PTK7: variants seen among roughly 807,000 people sequenced by gnomAD.
PTK7 encodes the protein inactive tyrosine-protein kinase 7.
A neutral mutation model predicts 116.6 loss-of-function variants in PTK7; 39 were observed. The observed-to-expected ratio is 0.33, with a 90% confidence interval of 0.26 to 0.44. The LOEUF (loss-of-function observed/expected upper bound fraction) is 0.44. Among genes scored for constraint, PTK7 ranks in the 20% least tolerant of loss-of-function variants. The probability of loss-of-function intolerance (pLI) is 1.00; values close to 1 mark genes in which losing one functional copy is unlikely to be tolerated. For synonymous variants in PTK7, 546 were observed against 563.6 expected, an observed-to-expected ratio of 0.97 and a Z score of 0.44; for missense variants, 1,169 against 1,425.6, an observed-to-expected ratio of 0.82 and a Z score of 2.90.
intron 1 of PTK7, among the ~76,000 whole-genome samples, chr6:43,121,837 TC>T (rs1467728734): frequency 4.6e-5 from 7 of 152,190 alleles, no homozygotes; most frequent in African/African-American, 1.7e-4. Context: ...TTGAGACTGT[TC>T]TTCAAAACGT....
At chr6:43,115,979 A>C (rs1409055355) in intron 1 of PTK7, among the ~76,000 whole-genome samples, 5 of 146,676 alleles carry the variant, frequency 3.4e-5, no homozygotes, top group African/African-American at 1.3e-4. Context: ...TCCTGCTCCC[A>C]TGCCCCTCTC....
intron 1 of PTK7, among the ~76,000 whole-genome samples, chr6:43,111,038 G>C (rs1285778404): frequency 6.6e-6 from 1 of 152,152 alleles, no homozygotes. Context: ...AAGATGACTG[G>C]GTCCATTTTC....
chr6:43,145,802 A>G lies in PTK7; in HGVS notation c.2640+370A>G, dbSNP rs1475443796. 6.3e-6 allele frequency: 1 copy of G among 157,884 alleles called. No individual in the cohort carries two copies. Among genetic ancestry groups the G allele is most frequent in the African/African-American group, 2.4e-5 (1 of 41,570 alleles). 9.8% of individuals were successfully genotyped at this position (157,884 alleles called of 1,614,324 possible). A position where few individuals can be genotyped will look rare whatever the true frequency, so the allele number is the denominator to read the frequency against. On this transcript the variant is annotated intron_variant, in intron 16 of 19. Transcript: ENST00000230419. This position sits in a 1 kb window ranked among gnomAD's most constrained non-coding sequence, Gnocchi z 4.8. ...AAAGCTTGTCCCCACTTGAGAATAA[A>G]TATATCAGAACCCACTTTGCCTCCC...
rs552297655 is a variant in PTK7, at chr6:43,132,083, C to T, written c.880C>T (p.Arg294Cys). The change falls in exon 6 of 20, where the codon CGC (arginine) becomes TGC (cysteine). Residue 294 changes from arginine to cysteine, a missense_variant. Physicochemically the swap from Arg to Cys is radical, Grantham distance 180. Coordinates refer to ENST00000230419, the MANE Select transcript of PTK7 (RefSeq NM_002821.5). ...GSLLLTQVRP[R>C]NAGIYRCIGQ... ...TCTGCTGCTGACCCAGGTCCGGCCA[C>T]GCAATGCAGGGATCTACCGCTGCAT... The T allele has an allele frequency of 3.7e-6, 6 of 1,614,126 alleles. No homozygotes were observed. The highest frequency in any genetic ancestry group is 5.1e-6 in the Non-Finnish European group (6 of 1,180,044).
chr6:43,150,196 G>A (rs192762960), intron 17 of PTK7, among the ~76,000 whole-genome samples: 62 of 152,302 alleles, frequency 4.1e-4, no homozygotes, highest in Admixed American at 1.4e-3. Flanking sequence ...GTCAGATGCC[G>A]TGGCAGGAAA....
chr6:43,141,960 C>T lies in PTK7; in HGVS notation c.1798C>T (p.Arg600Cys). ...TATCACCTTCAAAGTGGAACCAGAGCGTACGACTGTGTACCAGGGCCACAC... is the reference window on the plus strand; with the variant it reads ...TATCACCTTCAAAGTGGAACCAGAGTGTACGACTGTGTACCAGGGCCACAC... Reference protein sequence around the residue: ...VFITFKVEPERTTVYQGHTAL... With the variant: ...VFITFKVEPECTTVYQGHTAL... The change falls in exon 12 of 20, where the codon CGT (arginine) becomes TGT (cysteine). Residue 600 changes from arginine to cysteine, a missense_variant. Arg to Cys is a radical substitution (Grantham distance 180). Coordinates refer to ENST00000230419, the MANE Select transcript of PTK7 (RefSeq NM_002821.5). The surrounding 1 kb of genome is among the most constrained non-coding windows in gnomAD (Gnocchi z 4.9). The T allele has an allele frequency of 1.2e-6, 2 of 1,612,554 alleles. No homozygotes were observed. The highest frequency in any genetic ancestry group is 1.7e-6 in the Non-Finnish European group (2 of 1,179,458).
In PTK7 at chr6:43,158,943, G is replaced by C; in HGVS notation, c.2848G>C (p.Gly950Arg). ...AQRQVKVSAL[G>R]LSKDVYNSEY... The stretch of plus-strand genomic sequence containing the variant: ...GAGACAAGTGAAGGTGTCTGCCCTG[G>C]GCCTCAGCAAGGATGTGTACAACAG... The change falls in exon 18 of 20, where the codon GGC becomes CGC. Residue 950 changes from glycine (G) to arginine (R), a missense_variant. By Grantham distance (125) the Gly-to-Arg change is moderately radical. Transcript: ENST00000230419. 1.1e-5 allele frequency: 17 copies of C among 1,614,176 alleles called. No individual in the cohort carries two copies. Among genetic ancestry groups the C allele is most frequent in the Non-Finnish European group, 1.4e-5 (17 of 1,180,036 alleles).
chr6:43,159,695 G>A (rs770891726), intron 18 of PTK7, 93 bp from the exon 19 acceptor site: 11 of 1,351,564 alleles, frequency 8.1e-6, no homozygotes, highest in South Asian at 7.2e-5. Flanking sequence ...CTGGGCCCCC[G>A]GCTTGGGGAT....
intron 1 of PTK7, among the ~76,000 whole-genome samples, chr6:43,128,001 C>T (rs1012470712): frequency 6.6e-6 from 1 of 151,966 alleles, no homozygotes; most frequent in Non-Finnish European, 1.5e-5. Flanking sequence ...TCTAGAGAAT[C>T]TTGGCTTCTC....
chr6:43,119,205 G>C (rs1305979165), intron 1 of PTK7, among the ~76,000 whole-genome samples: 3 of 152,080 alleles, frequency 2.0e-5, no homozygotes, highest in Non-Finnish European at 4.4e-5. Context: ...AATTTGGGGT[G>C]AACTGCTGTG....
intron 1 of PTK7, among the ~76,000 whole-genome samples, chr6:43,107,155 TC>T (rs1421858269): frequency 1.6e-4 from 24 of 148,396 alleles, no homozygotes; most frequent in African/African-American, 5.0e-4. Context: ...ACTCCTGACC[TC>T]AAGGTGATCT....
intron 1 of PTK7, among the ~76,000 whole-genome samples, chr6:43,116,944 C>T (rs183224943): frequency 1.9e-3 from 291 of 152,244 alleles, no homozygotes; most frequent in African/African-American, 6.6e-3. Flanking sequence ...GTGCTTCAGC[C>T]TCCCGAGTAG....
intron 1 of PTK7, among the ~76,000 whole-genome samples, chr6:43,084,625 TG>T (rs1766552867): frequency 6.6e-6 from 1 of 152,166 alleles, no homozygotes; most frequent in South Asian, 2.1e-4. Flanking sequence ...GTGTCTTCTA[TG>T]GGTGAAGCTG....
rs1201165825 is a variant in PTK7 at position 43,076,352 on chromosome 6, CGCCTCGGGGT to C, written c.-136_-127del. On this transcript the variant is annotated 5_prime_UTR_variant, in exon 1 of 20. Coordinates refer to ENST00000230419, the MANE Select transcript of PTK7 (RefSeq NM_002821.5). This position sits in a 1 kb window ranked among gnomAD's most constrained non-coding sequence, Gnocchi z 5.7. Reference sequence around the variant, plus strand: ...GGCTCCGGCTCGGGACGCCTCGGGACGCCTCGGGGTCGGGCTCCGGCTGCGGCTGCTGCTG... The same window carrying C: ...GGCTCCGGCTCGGGACGCCTCGGGACCGGGCTCCGGCTGCGGCTGCTGCTG... 4.4e-6 allele frequency: 2 copies of C among 455,782 alleles called. No homozygotes were observed. The highest frequency in any genetic ancestry group is 4.2e-5 in the African/African-American group (2 of 47,368). 28.2% of individuals were successfully genotyped at this position (455,782 alleles called of 1,614,324 possible).
At chr6:43,085,006 A>G (rs1766576900) in intron 1 of PTK7, among the ~76,000 whole-genome samples, 1 of 152,190 alleles carries the variant, frequency 6.6e-6, no homozygotes, top group Non-Finnish European at 1.5e-5. Flanking sequence ...GACCTGTGAC[A>G]CCAGTTTTTC....
chr6:43,142,711 G>C lies in PTK7; in HGVS notation c.2047+412G>C, dbSNP rs116078014. ...GCCCTGCACTTAACTCTCTGCCCCT[G>C]GGAGACTTATTTCTCCTCTGGGGAC... On this transcript the variant is annotated intron_variant, in intron 13 of 19. Coordinates refer to ENST00000230419, the MANE Select transcript of PTK7 (RefSeq NM_002821.5). The C allele has an allele frequency of 4.0e-3, 1,016 of 251,756 alleles. 9 individuals carry two copies. Among genetic ancestry groups the C allele is most frequent in the African/African-American group, 0.021 (963 of 44,906 alleles). 15.6% of individuals were successfully genotyped at this position (251,756 alleles called of 1,614,324 possible).
intron 1 of PTK7, among the ~76,000 whole-genome samples, chr6:43,118,172 C>T (rs958781903): frequency 1.3e-5 from 2 of 150,128 alleles, no homozygotes; most frequent in African/African-American, 2.5e-5. Flanking sequence ...TCACCAGCCA[C>T]CTATGGCCCC....
At chr6:43,082,830 C>CTT (rs1766452630) in intron 1 of PTK7, among the ~76,000 whole-genome samples, 1 of 152,178 alleles carries the variant, frequency 6.6e-6, no homozygotes, top group Non-Finnish European at 1.5e-5. Flanking sequence ...GAGGAGAATA[C>CTT]GGCTGATTTT....
chr6:43,126,213 G>A (rs73436454), intron 1 of PTK7, among the ~76,000 whole-genome samples: 60 of 152,230 alleles, frequency 3.9e-4, no homozygotes, highest in African/African-American at 1.2e-3. Context: ...CCAGCTACTC[G>A]GGAGGCTAAG....
Sources: allele counts gnomAD v4.1 joint callset (sites outside exome capture counted in the v4.1 genomes callset), GRCh38; gene constraint gnomAD v4.1.1; non-coding constraint Gnocchi (gnomAD v3.1); transcripts MANE v1.5; gene names NCBI Gene and HGNC (gene_info 2026-07-23, HGNC 2026-07-21).